GRID2: variants seen among roughly 807,000 people sequenced by gnomAD.
GRID2 encodes glutamate ionotropic receptor delta type subunit 2, also known as glutamate receptor ionotropic, delta-2.
GRID2 carries 33 observed loss-of-function variants against 114.8 expected under a neutral mutation model. The ratio of observed to expected loss-of-function variants is 0.29; its 90% CI spans 0.22 to 0.38. The LOEUF (loss-of-function observed/expected upper bound fraction) is 0.38, where lower values mean the gene tolerates loss of function less well. Among genes scored for constraint, GRID2 ranks in the 10% least tolerant of loss-of-function variants. The pLI, the probability that GRID2 is intolerant of heterozygous loss-of-function variation, is 1.00. For synonymous variants in GRID2, 505 were observed against 449.9 expected, an observed-to-expected ratio of 1.12 and a Z score of -1.55; for missense variants, 1,184 against 1,257.7, an observed-to-expected ratio of 0.94 and a Z score of 0.89.
intron 2 of GRID2, among the ~76,000 whole-genome samples, chr4:93,028,074 T>G (rs1211475911): frequency 6.6e-6 from 1 of 152,170 alleles, no homozygotes; most frequent in African/African-American, 2.4e-5. Context: ...TCTTCTTGAT[T>G]TATTCATTCA....
chr4:93,680,583 A>G (rs1292157972), intron 14 of GRID2, among the ~76,000 whole-genome samples: 1 of 151,742 alleles, frequency 6.6e-6, no homozygotes, highest in Non-Finnish European at 1.5e-5. Flanking sequence ...ATCCACCATG[A>G]TCAAGTGGGC....
At chr4:93,231,873 T>C (rs1166597951) in intron 7 of GRID2, among the ~76,000 whole-genome samples, 1 of 152,116 alleles carries the variant, frequency 6.6e-6, no homozygotes, top group Non-Finnish European at 1.5e-5. Flanking sequence ...CAAATCTCCA[T>C]CTCATACCTG....
chr4:93,618,097 T>C (rs2149678346), intron 13 of GRID2, among the ~76,000 whole-genome samples: 1 of 152,266 alleles, frequency 6.6e-6, no homozygotes, highest in East Asian at 1.9e-4. Flanking sequence ...ACCTGGGCAA[T>C]TGTCACCCTA....
At chr4:92,410,237 A>G (rs1731231083) in intron 1 of GRID2, among the ~76,000 whole-genome samples, 1 of 152,166 alleles carries the variant, frequency 6.6e-6, no homozygotes, top group Admixed American at 6.6e-5. Flanking sequence ...CTATATGGGC[A>G]CATGTTTTCA....
intron 7 of GRID2, among the ~76,000 whole-genome samples, chr4:93,225,774 C>T (rs1745415377): frequency 6.6e-6 from 1 of 152,078 alleles, no homozygotes; most frequent in African/African-American, 2.4e-5. Context: ...GTATCAGTCC[C>T]TTTTCTGCTG....
intron 1 of GRID2, among the ~76,000 whole-genome samples, chr4:92,377,595 G>C (rs1454654682): frequency 6.6e-6 from 1 of 152,082 alleles, no homozygotes; most frequent in Non-Finnish European, 1.5e-5. Context: ...ACTGTTATTA[G>C]TCTGTTTTCA....
intron 14 of GRID2, among the ~76,000 whole-genome samples, chr4:93,732,021 C>G (rs1730525658): frequency 6.6e-6 from 1 of 152,116 alleles, no homozygotes; most frequent in South Asian, 2.1e-4. Flanking sequence ...ATTTTTGAAA[C>G]TAAGGACAGA....
chr4:92,506,585 T>C (rs1045146773), intron 1 of GRID2, among the ~76,000 whole-genome samples: 1 of 150,354 alleles, frequency 6.7e-6, no homozygotes, highest in Non-Finnish European at 1.5e-5. Flanking sequence ...TCTGAGCACA[T>C]GACAGCTTGA....
chr4:93,388,745 T>G (rs17330789), intron 8 of GRID2, among the ~76,000 whole-genome samples: 5,467 of 152,294 alleles, frequency 0.036, 154 homozygotes, highest in Non-Finnish European at 0.044. Flanking sequence ...TGAAATTAGC[T>G]TCGGCTAGGA....
At chr4:92,415,612 C>G (rs902396371) in intron 1 of GRID2, among the ~76,000 whole-genome samples, 3 of 151,288 alleles carry the variant, frequency 2.0e-5, no homozygotes, top group Non-Finnish European at 2.9e-5. Context: ...ATAATGGTCT[C>G]CAGCTCCATC....
chr4:93,739,598 A>C (rs554133908), intron 14 of GRID2, among the ~76,000 whole-genome samples: 1 of 152,238 alleles, frequency 6.6e-6, no homozygotes, highest in South Asian at 2.1e-4. Flanking sequence ...GATATTAGGT[A>C]CTTTAAGGGA....
intron 2 of GRID2, among the ~76,000 whole-genome samples, chr4:92,763,792 G>C (rs1266899959): frequency 3.9e-5 from 6 of 152,184 alleles, no homozygotes; most frequent in Admixed American, 3.9e-4. Flanking sequence ...GAGAGAGTTA[G>C]TAGATGAGGC....
At chr4:93,173,670 C>T (rs1239595470) in intron 4 of GRID2, among the ~76,000 whole-genome samples, 1 of 152,068 alleles carries the variant, frequency 6.6e-6, no homozygotes, top group African/African-American at 2.4e-5. Flanking sequence ...CATTCTGTTG[C>T]CCAGGCTGGA....
rs1023335877 is a variant in GRID2, at chr4:93,422,800, T to C, written c.1377T>C (p.Asn459=). The C allele has an allele frequency of 5.6e-6, 9 of 1,613,448 alleles. No homozygotes were observed. The highest frequency in any genetic ancestry group is 7.6e-6 in the Non-Finnish European group (9 of 1,179,390). ...LEEPFVMVSE[N]VLGKPKKYQG... ...AACCTTTTGTGATGGTCTCTGAAAATGTCTTGGGTAAGCCGAAGAAATACC... is the reference window on the plus strand; with the variant it reads ...AACCTTTTGTGATGGTCTCTGAAAACGTCTTGGGTAAGCCGAAGAAATACC... Residue 459 remains asparagine, a synonymous_variant, in exon 10 of 16, where the codon AAT becomes AAC. Coordinates refer to ENST00000282020, the MANE Select transcript of GRID2 (RefSeq NM_001510.4).
chr4:92,757,177 G>A (rs72663559), intron 2 of GRID2, among the ~76,000 whole-genome samples: 3,141 of 152,132 alleles, frequency 0.021, 47 homozygotes, highest in Middle Eastern at 0.037. Flanking sequence ...TGGACATCCA[G>A]TTTTCCCAAA....
chr4:92,467,382 C>A (rs1260905783), intron 1 of GRID2, among the ~76,000 whole-genome samples: 4 of 151,840 alleles, frequency 2.6e-5, no homozygotes, highest in Admixed American at 6.6e-5. Context: ...TAAAATGATA[C>A]TTCGTTAATA....
intron 2 of GRID2, among the ~76,000 whole-genome samples, chr4:92,959,041 ATTTGAGTCCACTCTTCTTTTTTT>A (rs1752613954): frequency 7.1e-6 from 1 of 141,774 alleles, no homozygotes; most frequent in Admixed American, 7.0e-5. Context: ...GATGTTAGTA[ATTTGAGTCCACTCTTCTTTTTTT>A]TTTTTTTTTT....
At chr4:92,828,152 C>T (rs1483695666) in intron 2 of GRID2, among the ~76,000 whole-genome samples, 1 of 151,970 alleles carries the variant, frequency 6.6e-6, no homozygotes, top group African/African-American at 2.4e-5. Flanking sequence ...CTAAATAAAA[C>T]CAAAGCCGAT....
Position 92,958,058 on chromosome 4 carries a change from C to T in GRID2, c.245-126937C>T, listed in dbSNP as rs80352082. Among the ~76,000 whole-genome samples the T allele has an allele frequency of 9.1e-3, 1,383 of 151,960 alleles. 20 individuals carry two copies. The highest frequency in any genetic ancestry group is 0.031 in the African/African-American group (1,266 of 41,482). On this transcript the variant is annotated intron_variant, in intron 2 of 15. Transcript: ENST00000282020. ...TTTCAGGAACTTTTGTTGTTGTTGTCGATTGTTTTGGATTTCCTACATAAT... is the reference window on the plus strand; with the variant it reads ...TTTCAGGAACTTTTGTTGTTGTTGTTGATTGTTTTGGATTTCCTACATAAT...
Sources: gnomAD v4.1 joint callset for allele counts (sites outside exome capture counted in the v4.1 genomes callset) on GRCh38, gnomAD v4.1.1 for gene constraint, MANE v1.5 for transcripts, NCBI Gene and HGNC (gene_info 2026-07-23, HGNC 2026-07-21) for gene names.